The following ZFHX3 variants were observed in gnomAD, a reference collection of about 807,000 sequenced individuals.
ZFHX3 encodes the protein zinc finger homeobox protein 3.
In ZFHX3, 42 loss-of-function variants were observed where a neutral mutation model predicts 279.1. The ratio of observed to expected loss-of-function variants is 0.15; its 90% CI spans 0.12 to 0.19. The LOEUF (loss-of-function observed/expected upper bound fraction) is 0.19, where lower values mean the gene tolerates loss of function less well. Ranked by LOEUF, ZFHX3 falls within the 10% of genes least tolerant of loss-of-function variation. The pLI, the probability that ZFHX3 is intolerant of heterozygous loss-of-function variation, is 1.00. For synonymous variants in ZFHX3, 2,293 were observed against 1,957.8 expected, an observed-to-expected ratio of 1.17 and a Z score of -4.52; for missense variants, 4,981 against 4,754.0, an observed-to-expected ratio of 1.05 and a Z score of -1.40.
chr16:73,416,803 G>A (rs11640688), intron 3 of ZFHX3, among the ~76,000 whole-genome samples: 50,623 of 133,656 alleles, frequency 0.38, 13,665 homozygotes, highest in Non-Finnish European at 0.57. Context: ...GAACTCGGGA[G>A]GCGGAGCCTG....
At chr16:73,840,823 T>G (rs1961284691) in intron 1 of ZFHX3, among the ~76,000 whole-genome samples, 1 of 151,998 alleles carries the variant, frequency 6.6e-6, no homozygotes, top group East Asian at 1.9e-4. Context: ...TTTCCATTCC[T>G]CCTCCCGGTA....
intron 1 of ZFHX3, among the ~76,000 whole-genome samples, chr16:73,816,225 G>A (rs1960567817): frequency 6.6e-6 from 1 of 152,092 alleles, no homozygotes; most frequent in African/African-American, 2.4e-5. Context: ...ATACTCATTT[G>A]TGCAGGAGAT....
chr16:73,805,387 T>C (rs920674991), intron 1 of ZFHX3, among the ~76,000 whole-genome samples: 3 of 152,182 alleles, frequency 2.0e-5, no homozygotes, highest in Non-Finnish European at 2.9e-5. Context: ...CAGGATGGTC[T>C]TGAACTCCTG....
chr16:73,033,208 C>A (rs953589347), intron 1 of ZFHX3, among the ~76,000 whole-genome samples: 1 of 152,118 alleles, frequency 6.6e-6, no homozygotes, highest in African/African-American at 2.4e-5. Flanking sequence ...CCTGCCAGCA[C>A]CCCCACATAA....
At chr16:73,352,848 T>A (rs73589332) in intron 3 of ZFHX3, among the ~76,000 whole-genome samples, 1 of 152,122 alleles carries the variant, frequency 6.6e-6, no homozygotes, top group South Asian at 2.1e-4. Context: ...TCATCTGCTG[T>A]GAAATCCTCA....
Position 72,950,809 on chromosome 16 carries a change from T to C in ZFHX3, c.2876A>G (p.Asp959Gly). ...CACGTTCATGTGCAGGCCCAGCATG[T>C]CCAGGTTGTCCGTCGTGAACTTGTT... The part of the protein sequence containing the change: ...VCNKFTTDNL[D>G]MLGLHMNVER... Residue 959 changes from aspartate to glycine, a missense_variant, in exon 3 of 10, where the codon GAC becomes GGC. Physicochemically the swap from Asp to Gly is moderately conservative, Grantham distance 94. Transcript: ENST00000268489. 1.2e-6 allele frequency: 2 copies of C among 1,614,148 alleles called. No homozygotes were observed. Among genetic ancestry groups the C allele is most frequent in the Non-Finnish European group, 1.7e-6 (2 of 1,180,028 alleles).
At chr16:73,698,931 C>G (rs2053222261) in intron 1 of ZFHX3, among the ~76,000 whole-genome samples, 1 of 152,176 alleles carries the variant, frequency 6.6e-6, no homozygotes, top group African/African-American at 2.4e-5. Context: ...TGTAGCCAGG[C>G]TGGAGTGCAG....
chr16:73,364,730 G>T (rs2016500049), intron 3 of ZFHX3, among the ~76,000 whole-genome samples: 1 of 152,194 alleles, frequency 6.6e-6, no homozygotes, highest in East Asian at 1.9e-4. Flanking sequence ...GACTTGAACT[G>T]TTGGCTTGTA....
chr16:73,038,972 AT>A (rs1469583863), intron 1 of ZFHX3, among the ~76,000 whole-genome samples: 1 of 150,586 alleles, frequency 6.6e-6, no homozygotes, highest in Non-Finnish European at 1.5e-5. Context: ...TAATTTTTGT[AT>A]TTTTTTTGTA....
At chr16:73,546,338 G>C (rs537574528) in intron 2 of ZFHX3, among the ~76,000 whole-genome samples, 20 of 152,166 alleles carry the variant, frequency 1.3e-4, no homozygotes, top group African/African-American at 4.3e-4. Flanking sequence ...GGGAAGCTGC[G>C]TTGGAGGCTG....
intron 1 of ZFHX3, among the ~76,000 whole-genome samples, chr16:73,792,257 T>C (rs1434358804): frequency 6.6e-6 from 1 of 152,202 alleles, no homozygotes; most frequent in Non-Finnish European, 1.5e-5. Context: ...TTGTAAAGCA[T>C]GCCTTAAGAA....
Position 73,097,125 on chromosome 16 carries a change from C to T in ZFHX3, c.-896-3527G>A, listed in dbSNP as rs1352207712. 2.0e-5 allele frequency among the ~76,000 whole-genome samples: 3 copies of T among 151,966 alleles called. No individual in the cohort carries two copies. In the East Asian group the frequency reaches 5.8e-4, roughly 29 times the overall value. On this transcript the variant is annotated intron_variant, in intron 7 of 17. Transcript: ENST00000641206. ...CTGGAGTGCAGTGGCACCATCACAA[C>T]TCTCTGCAGCCTCAACCTCCCAGGC... is the stretch of plus-strand genomic sequence containing the variant.
At chr16:73,848,125 T>C (rs77676757) in intron 1 of ZFHX3, among the ~76,000 whole-genome samples, 1 of 151,856 alleles carries the variant, frequency 6.6e-6, no homozygotes, top group Non-Finnish European at 1.5e-5. Context: ...CTCATTACAG[T>C]TTACACTCAA....
chr16:73,034,317 G>T (rs1002414108), intron 1 of ZFHX3, among the ~76,000 whole-genome samples: 1 of 152,170 alleles, frequency 6.6e-6, no homozygotes, highest in Non-Finnish European at 1.5e-5. Context: ...ACTAAGAGAA[G>T]AAGGCGAGGG....
At chr16:73,118,609 G>A (rs191383433) in intron 7 of ZFHX3, among the ~76,000 whole-genome samples, 1 of 152,086 alleles carries the variant, frequency 6.6e-6, no homozygotes, top group Non-Finnish European at 1.5e-5. Flanking sequence ...GTGTATTGGG[G>A]GTAGATAACT....
intron 3 of ZFHX3, among the ~76,000 whole-genome samples, chr16:73,431,323 T>G (rs2017907291): frequency 6.6e-6 from 1 of 152,066 alleles, no homozygotes; most frequent in Non-Finnish European, 1.5e-5. Context: ...GCGGATCACC[T>G]GAGGTTGGGA....
intron 8 of ZFHX3, among the ~76,000 whole-genome samples, chr16:73,069,079 G>T (rs1166144042): frequency 1.3e-5 from 2 of 152,244 alleles, no homozygotes; most frequent in East Asian, 1.9e-4. Context: ...TGCTGCCCAA[G>T]TATGAGTGTG....
intron 3 of ZFHX3, among the ~76,000 whole-genome samples, chr16:72,933,093 C>A (rs375455793): frequency 6.6e-6 from 1 of 152,178 alleles, no homozygotes; most frequent in African/African-American, 2.4e-5. Flanking sequence ...CTGAGCCCCA[C>A]TCCACCTGCC....
chr16:73,119,035 G>T (rs1256300260), intron 7 of ZFHX3, among the ~76,000 whole-genome samples: 1 of 152,130 alleles, frequency 6.6e-6, no homozygotes. Flanking sequence ...TCCTGGGATG[G>T]TACTATCATG....
Sources: allele counts gnomAD v4.1 joint callset (sites outside exome capture counted in the v4.1 genomes callset), GRCh38; gene constraint gnomAD v4.1.1; transcripts MANE v1.5; gene names NCBI Gene and HGNC (gene_info 2026-07-23, HGNC 2026-07-21).